Variants in IGF2R observed in about 807,000 individuals in gnomAD.
The protein encoded by IGF2R is cation-independent mannose-6-phosphate receptor.
In IGF2R, 91 loss-of-function variants were observed where a neutral mutation model predicts 270.6. The ratio of observed to expected loss-of-function variants is 0.34; its 90% CI spans 0.28 to 0.40. The LOEUF (loss-of-function observed/expected upper bound fraction) is 0.40, where lower values mean the gene tolerates loss of function less well. Among genes scored for constraint, IGF2R ranks in the 10% least tolerant of loss-of-function variants. The probability of loss-of-function intolerance (pLI) is 1.00; values close to 1 mark genes in which losing one functional copy is unlikely to be tolerated. For missense variants in IGF2R, 2,805 were observed against 3,188.3 expected, an observed-to-expected ratio of 0.88 and a Z score of 2.90; for synonymous variants, 1,316 against 1,258.9, an observed-to-expected ratio of 1.05 and a Z score of -0.96.
chr6:160,102,406 A>G lies in IGF2R; in HGVS notation c.6843-113A>G. The G allele has an allele frequency of 1.7e-6, 2 of 1,149,400 alleles. No individual in the cohort carries two copies. Among genetic ancestry groups the G allele is most frequent in the South Asian group, 1.4e-5 (1 of 69,046 alleles). The allele number at this position is 1,149,400 out of a possible 1,614,324, so 71.2% of individuals were successfully genotyped here. The stretch of plus-strand genomic sequence containing the variant: ...TTTTCTGGGCAGGAGTAAGAATCAC[A>G]TGGTGTTGGGAAAGTCAGAGCTGCT... On this transcript the variant is annotated intron_variant, in intron 45 of 47. Coordinates refer to ENST00000356956, the MANE Select transcript of IGF2R (RefSeq NM_000876.4). The surrounding 1 kb of genome is among the most constrained non-coding windows in gnomAD (Gnocchi z 4.5).
In IGF2R at chr6:160,061,582, T is replaced by C; in HGVS notation, c.3342T>C (p.Asp1114=). The C allele has an allele frequency of 6.2e-7, 1 of 1,613,698 alleles. No homozygotes were observed. Among genetic ancestry groups the C allele is most frequent in the South Asian group, 1.1e-5 (1 of 91,068 alleles). ...KPWTAVDTSV[D]GRKRTFYLSV... ...GGACGGCTGTTGACACCTCTGTCGA[T>C]GGGAGAAAGAGGACTTTCTATTTGA... Residue 1114 remains aspartate, a synonymous_variant, in exon 24 of 48, where the codon GAT becomes GAC. Transcript: ENST00000356956.
chr6:160,071,135 G>A (rs1374064855), intron 31 of IGF2R, among the ~76,000 whole-genome samples: 3 of 143,698 alleles, frequency 2.1e-5, no homozygotes, highest in East Asian at 2.2e-4. Flanking sequence ...TGGTGTGTGG[G>A]GGCCTCTGTG....
At chr6:160,007,825 TG>T (rs1784267879) in intron 2 of IGF2R, among the ~76,000 whole-genome samples, 3 of 152,370 alleles carry the variant, frequency 2.0e-5, no homozygotes, top group African/African-American at 7.2e-5. Context: ...TTCTTTAAGC[TG>T]TTTTTTGATG....
intron 45 of IGF2R, among the ~76,000 whole-genome samples, chr6:160,098,742 C>T (rs963918868): frequency 6.6e-6 from 1 of 152,236 alleles, no homozygotes; most frequent in African/African-American, 2.4e-5. Context: ...TTGCTTGAAC[C>T]TGGAAGGTGG....
chr6:160,050,599 A>G lies in IGF2R; in HGVS notation c.2641A>G (p.Arg881Gly), dbSNP rs1439276520. Residue 881 changes from arginine to glycine, a missense_variant, in exon 19 of 48, where the codon AGA becomes GGA. Coordinates refer to ENST00000356956, the MANE Select transcript of IGF2R (RefSeq NM_000876.4). The surrounding 1 kb of genome is among the most constrained non-coding windows in gnomAD (Gnocchi z 4.0). Reference protein sequence around the residue: ...NGSACTTSDGRQTTYTTRIHL... With the variant: ...NGSACTTSDGGQTTYTTRIHL... The stretch of plus-strand genomic sequence containing the variant: ...GTCGGCCTGCACCACCAGCGATGGC[A>G]GACAGACCACATATACCACGAGGAT... 2.5e-6 allele frequency: 4 copies of G among 1,614,080 alleles called. No homozygotes were observed. Among genetic ancestry groups the G allele is most frequent in the Admixed American group, 1.7e-5 (1 of 60,022 alleles).
At chr6:160,007,507 C>G (rs1406225666) in intron 2 of IGF2R, 1 of 152,142 alleles carries the variant, frequency 6.6e-6, no homozygotes, top group African/African-American at 2.4e-5. Flanking sequence ...GTACATTTTT[C>G]TTTGATTTGC....
In IGF2R at chr6:160,079,705, G is replaced by A; in HGVS notation, c.5604G>A (p.Arg1868=). 2.0e-6 allele frequency: 3 copies of A among 1,515,430 alleles called. No homozygotes were observed. Among genetic ancestry groups the A allele is most frequent in the Non-Finnish European group, 2.6e-6 (3 of 1,132,648 alleles). 93.9% of individuals were successfully genotyped at this position (1,515,430 alleles called of 1,614,324 possible). A position where few individuals can be genotyped will look rare whatever the true frequency, so the allele number is the denominator to read the frequency against. The part of the protein sequence containing the change: ...LSGTKGASFG[R]LQSMKLDYRH... ...GCACCAAGGGGGCATCCTTTGGACG[G>A]CTGCAATCAATGAAACTGGATTACA... Residue 1868 remains arginine (R), a synonymous_variant, in exon 38 of 48, where the codon CGG becomes CGA. Coordinates refer to ENST00000356956, the MANE Select transcript of IGF2R (RefSeq NM_000876.4).
In IGF2R at chr6:160,048,510, A is replaced by G. The variant is rs8191809; in HGVS notation, c.2481A>G (p.Ala827=). 2,357 of 1,614,010 alleles carry G rather than the reference A, an allele frequency of 1.5e-3. 30 individuals carry two copies. The African/African-American group carries it at 0.027, about 18-fold the overall frequency. Residue 827 remains alanine, a synonymous_variant, in exon 18 of 48, where the codon GCA becomes GCG. Coordinates refer to ENST00000356956, the MANE Select transcript of IGF2R (RefSeq NM_000876.4). ...CAGTGCCGGGCTGCAACCGATATGCATCGGCTTGCCAGATGAAGTATGAAA... is the reference window on the plus strand; with the variant it reads ...CAGTGCCGGGCTGCAACCGATATGCGTCGGCTTGCCAGATGAAGTATGAAA... ...LNPVPGCNRY[A]SACQMKYEKD...
chr6:160,074,189 A>G (rs1441143999), intron 35 of IGF2R: 1 of 566,446 alleles, frequency 1.8e-6, no homozygotes, highest in Non-Finnish European at 3.1e-6. Context: ...GTCTTTGAGC[A>G]TGGGAGGTAA....
At chr6:160,075,102 ACACT>A (rs1270082819) in intron 35 of IGF2R, among the ~76,000 whole-genome samples, 1 of 152,014 alleles carries the variant, frequency 6.6e-6, no homozygotes, top group Non-Finnish European at 1.5e-5. Context: ...GCTTATACAC[ACACT>A]CACACCCACA....
In IGF2R at chr6:160,073,854, A is replaced by C. The variant is rs369928098; in HGVS notation, c.5045A>C (p.Asp1682Ala). ...GYEAYDESED[D>A]ASDTNPDFYI... is the part of the protein sequence containing the mutation. ...GAGGCTTATGATGAGAGTGAGGATG[A>C]TGCCTCCGATACCAACCCTGATTTC... The change falls in exon 35 of 48, where the codon GAT becomes GCT. Residue 1682 changes from aspartate to alanine, a missense_variant. Around this residue, in one of 2 missense-constraint regions of IGF2R, gnomAD observed 1,851 missense variants for 2,207.2 expected, o/e 0.84. Coordinates refer to ENST00000356956, the MANE Select transcript of IGF2R (RefSeq NM_000876.4). The C allele has an allele frequency of 6.2e-7, 1 of 1,613,994 alleles. No homozygotes were observed. Among genetic ancestry groups the C allele is most frequent in the Non-Finnish European group, 8.5e-7 (1 of 1,179,866 alleles).
At chr6:160,088,360 G>A (rs963276596) in intron 42 of IGF2R, among the ~76,000 whole-genome samples, 4 of 152,222 alleles carry the variant, frequency 2.6e-5, no homozygotes, top group Non-Finnish European at 4.4e-5. Flanking sequence ...ACTTCTCTGG[G>A]CTAGCTTGTC....
chr6:160,073,949 A>T lies in IGF2R; in HGVS notation c.5140A>T (p.Lys1714Ter). ...VPCPAGAAVC[K>*]VPIDGPPIDI... ...CTGTCCTGCCGGAGCCGCTGTGTGC[A>T]AAGTTCCTATTGATGGTCCCCCCAT... Residue 1714 changes from lysine to a stop codon, truncating the protein, a stop_gained, in exon 35 of 48, where the codon AAA becomes TAA. Transcript: ENST00000356956. LOFTEE classifies it high-confidence loss of function. 1 of 1,613,456 alleles carries T rather than the reference A, an allele frequency of 6.2e-7. No homozygotes were observed. The highest frequency in any genetic ancestry group is 1.1e-5 in the South Asian group (1 of 90,906).
intron 5 of IGF2R, among the ~76,000 whole-genome samples, chr6:160,026,600 T>C (rs1436759555): frequency 6.6e-6 from 1 of 152,216 alleles, no homozygotes; most frequent in Non-Finnish European, 1.5e-5. Flanking sequence ...AAATGAATGG[T>C]AAAGAGCAAC....
At chr6:159,975,334 G>C (rs530062512) in intron 1 of IGF2R, among the ~76,000 whole-genome samples, 2 of 152,314 alleles carry the variant, frequency 1.3e-5, no homozygotes, top group South Asian at 4.1e-4. Flanking sequence ...TGGGGAAGGG[G>C]TGCGGAGCCT....
intron 4 of IGF2R, among the ~76,000 whole-genome samples, chr6:160,013,633 G>A (rs1427065592): frequency 6.6e-6 from 1 of 152,172 alleles, no homozygotes; most frequent in Non-Finnish European, 1.5e-5. Context: ...TTTATTGAGA[G>A]CCTATTGTGA....
rs4709390 is a variant in IGF2R at position 160,032,529 on chromosome 6, T to G, written c.883-22T>G. On this transcript the variant is annotated intron_variant, in intron 7 of 47. Coordinates refer to ENST00000356956, the MANE Select transcript of IGF2R (RefSeq NM_000876.4). ...TGCATGAAACATTTTTTATTTTGCTTCTTTCACATTGTTCCTGATAGGGCA... is the reference window on the plus strand; with the variant it reads ...TGCATGAAACATTTTTTATTTTGCTGCTTTCACATTGTTCCTGATAGGGCA... 0.21 allele frequency: 335,130 copies of G among 1,600,128 alleles called. 38,960 individuals are homozygous for G. Among genetic ancestry groups the G allele is most frequent in the East Asian group, 0.51 (22,844 of 44,636 alleles).
chr6:160,058,789 TTAAC>T (rs1330077147), intron 21 of IGF2R, 113 bp from the exon 22 acceptor site: 4 of 901,476 alleles, frequency 4.4e-6, no homozygotes, highest in Non-Finnish European at 6.8e-6. Flanking sequence ...AGTTGGCAAG[TTAAC>T]TAACAAATAA....
chr6:160,088,155 G>T lies in IGF2R; in HGVS notation c.6320+8G>T. On this transcript the variant is annotated splice_region_variant and intron_variant, in intron 42 of 47. Transcript: ENST00000356956. Reference sequence around the variant, plus strand: ...CAGACCTGCATTCAAGAGGTCAGGAGACTGGGGGCTCAGAGCGGGACTGTG... The same window carrying T: ...CAGACCTGCATTCAAGAGGTCAGGATACTGGGGGCTCAGAGCGGGACTGTG... 1.3e-6 allele frequency: 2 copies of T among 1,516,734 alleles called. No individual in the cohort carries two copies. Among genetic ancestry groups the T allele is most frequent in the South Asian group, 2.2e-5 (2 of 89,100 alleles). The allele number at this position is 1,516,734 out of a possible 1,614,324, so 94.0% of individuals were successfully genotyped here.
Sources: gnomAD v4.1 joint callset for allele counts (sites outside exome capture counted in the v4.1 genomes callset) on GRCh38, gnomAD v4.1.1 for gene constraint, gnomAD v4.1.1 regional missense constraint, Gnocchi (gnomAD v3.1) non-coding constraint, MANE v1.5 for transcripts, NCBI Gene and HGNC (gene_info 2026-07-23, HGNC 2026-07-21) for gene names.